PAPOLB: variants seen among roughly 807,000 people sequenced by gnomAD.
PAPOLB encodes poly(A) polymerase beta, also known as PAP-beta.
Under a neutral mutation model 23.2 loss-of-function variants are expected in PAPOLB, and 19 were observed. The ratio of observed to expected loss-of-function variants is 0.82; its 90% CI spans 0.57 to 1.20. The LOEUF (loss-of-function observed/expected upper bound fraction) is 1.20, where lower values mean the gene tolerates loss of function less well. Among genes scored for constraint, PAPOLB ranks in the 50% most tolerant of loss-of-function variants. PAPOLB has a pLI of 0.00. For synonymous variants in PAPOLB, 360 were observed against 290.7 expected (o/e 1.24, Z -2.43); for missense variants, 822 against 776.8 (o/e 1.06, Z -0.69).
In PAPOLB at chr7:4,861,873, G is replaced by A. The variant is rs994897053; in HGVS notation, c.-63C>T. The stretch of plus-strand genomic sequence containing the variant: ...ACCGCGACCTTCGCGGCCGCCGCCC[G>A]GGTCATGATCCGCTGAGGCGGAAGG... On this transcript the variant is annotated 5_prime_UTR_variant, in exon 1 of 1. Transcript: ENST00000404991. The A allele has an allele frequency of 6.2e-5, 33 of 531,042 alleles. No homozygotes were observed. Among genetic ancestry groups the A allele is most frequent in the Middle Eastern group, 7.7e-4 (1 of 1,298 alleles). The allele number at this position is 531,042 out of a possible 1,614,324, so 32.9% of individuals were successfully genotyped here. A position where few individuals can be genotyped will look rare whatever the true frequency, so the allele number is the denominator to read the frequency against.
At position 4,860,102 on chromosome 7, in the gene PAPOLB, A is replaced by G. The variant is rs1783942584; in HGVS notation, c.1709T>C (p.Ile570Thr). 2 of 1,613,898 alleles carry G rather than the reference A, an allele frequency of 1.2e-6. No homozygotes were observed. Among genetic ancestry groups the G allele is most frequent in the African/African-American group, 1.3e-5 (1 of 74,922 alleles). ...LAVMTASVAN[I>T]QATEFSLQQV... is the part of the protein sequence containing the mutation. ...TTGCAAGGAAAATTCAGTAGCCTGT[A>G]TGTTAGCCACAGATGCTGTCATTAC... The change falls in exon 1 of 1, where the codon ATA becomes ACA. Residue 570 changes from isoleucine to threonine, a missense_variant. Ile to Thr is a moderately conservative substitution (Grantham distance 89). Coordinates refer to ENST00000404991, the MANE Select transcript of PAPOLB (RefSeq NM_020144.5).
Position 4,861,579 on chromosome 7 carries a change from G to C in PAPOLB, c.232C>G (p.Arg78Gly), listed in dbSNP as rs745969911. 6.2e-7 allele frequency: 1 copy of C among 1,613,658 alleles called. No individual in the cohort carries two copies. Among genetic ancestry groups the C allele is most frequent in the Non-Finnish European group, 8.5e-7 (1 of 1,179,740 alleles). ...AGACTCTTGCTTTCACTGATTTCGCGTATCCATTCCTTTACCAGATTATTT... is the reference window on the plus strand; with the variant it reads ...AGACTCTTGCTTTCACTGATTTCGCCTATCCATTCCTTTACCAGATTATTT... The part of the protein sequence containing the change: ...KLNNLVKEWI[R>G]EISESKSLPQ... The change falls in exon 1 of 1, where the codon CGC (arginine) becomes GGC (glycine). Residue 78 changes from arginine to glycine, a missense_variant. Transcript: ENST00000404991.
Position 4,861,518 on chromosome 7 carries a change from A to G in PAPOLB, c.293T>C (p.Ile98Thr). Residue 98 changes from isoleucine to threonine, a missense_variant, in exon 1 of 1, where the codon ATT (isoleucine) becomes ACT (threonine). Coordinates refer to ENST00000404991, the MANE Select transcript of PAPOLB (RefSeq NM_020144.5). ...TAATCTGTAAGAGCCAAACGTAAAA[A>G]TCTTTCCTCCAACGTTTTCAATTAC... ...QSVIENVGGKIFTFGSYRLGV... is the reference protein window; with the variant it reads ...QSVIENVGGKTFTFGSYRLGV... The G allele has an allele frequency of 6.2e-7, 1 of 1,614,054 alleles. No homozygotes were observed. The highest frequency in any genetic ancestry group is 8.5e-7 in the Non-Finnish European group (1 of 1,179,920).
chr7:4,861,835 C>T lies in PAPOLB; in HGVS notation c.-25G>A. ...TCTTTCAGCGCCCGCCCCGCCAGGG[C>T]ACGTCCCCCACCACCGCGACCTTCG... On this transcript the variant is annotated 5_prime_UTR_variant, in exon 1 of 1. Coordinates refer to ENST00000404991, the MANE Select transcript of PAPOLB (RefSeq NM_020144.5). The T allele has an allele frequency of 3.0e-6, 4 of 1,320,728 alleles. No homozygotes were observed. Among genetic ancestry groups the T allele is most frequent in the Middle Eastern group, 2.8e-4 (1 of 3,612 alleles). The allele number at this position is 1,320,728 out of a possible 1,614,324, so 81.8% of individuals were successfully genotyped here. A position where few individuals can be genotyped will look rare whatever the true frequency, so the allele number is the denominator to read the frequency against.
chr7:4,861,838 G>T lies in PAPOLB; in HGVS notation c.-28C>A. ...TTCAGCGCCCGCCCCGCCAGGGCAC[G>T]TCCCCCACCACCGCGACCTTCGCGG... is the stretch of plus-strand genomic sequence containing the variant. On this transcript the variant is annotated 5_prime_UTR_variant, in exon 1 of 1. Transcript: ENST00000404991. 1 of 1,400,074 alleles carries T rather than the reference G, an allele frequency of 7.1e-7. No homozygotes were observed. Among genetic ancestry groups the T allele is most frequent in the Non-Finnish European group, 9.3e-7 (1 of 1,073,850 alleles). 86.7% of individuals were successfully genotyped at this position (1,400,074 alleles called of 1,614,324 possible). A position where few individuals can be genotyped will look rare whatever the true frequency, so the allele number is the denominator to read the frequency against.
At position 4,861,297 on chromosome 7, in the gene PAPOLB, C is replaced by G; in HGVS notation, c.514G>C (p.Ala172Pro). The G allele has an allele frequency of 6.2e-7, 1 of 1,614,094 alleles. No individual in the cohort carries two copies. Among genetic ancestry groups the G allele is most frequent in the Non-Finnish European group, 8.5e-7 (1 of 1,179,960 alleles). ...FDGIEIDILF[A>P]RLALQTIPED... ...GGAATAGTCTGTAGTGCTAATCTTG[C>G]AAATAAAATATCAATCTCTATCCCA... The change falls in exon 1 of 1, where the codon GCA (alanine) becomes CCA (proline). Residue 172 changes from alanine to proline, a missense_variant. By Grantham distance (27) the Ala-to-Pro change is conservative. Coordinates refer to ENST00000404991, the MANE Select transcript of PAPOLB (RefSeq NM_020144.5).
rs368598482 is a variant in PAPOLB at position 4,860,138 on chromosome 7, G to C, written c.1673C>G (p.Pro558Arg). Reference sequence around the variant, plus strand: ...AGATGCTGTCATTACAGCCAAGGCAGGACTGTTTCTACCCTGAGAACTGCT... The same window carrying C: ...AGATGCTGTCATTACAGCCAAGGCACGACTGTTTCTACCCTGAGAACTGCT... ...LISSSQGRNS[P>R]ALAVMTASVA... Residue 558 changes from proline to arginine, a missense_variant, in exon 1 of 1, where the codon CCT becomes CGT. Physicochemically the swap from Pro to Arg is moderately radical, Grantham distance 103. Around this residue, in one of 3 missense-constraint regions of PAPOLB, gnomAD observed 534 missense variants for 502.8 expected, o/e 1.06. Transcript: ENST00000404991. 4 of 1,613,990 alleles carry C rather than the reference G, an allele frequency of 2.5e-6. No homozygotes were observed. Among genetic ancestry groups the C allele is most frequent in the Non-Finnish European group, 3.4e-6 (4 of 1,179,846 alleles).
Position 4,860,465 on chromosome 7 carries a change from T to C in PAPOLB, c.1346A>G (p.Asn449Ser). The C allele has an allele frequency of 1.2e-6, 2 of 1,614,166 alleles. No individual in the cohort carries two copies. Among genetic ancestry groups the C allele is most frequent in the Non-Finnish European group, 1.7e-6 (2 of 1,180,004 alleles). Residue 449 changes from asparagine to serine, a missense_variant, in exon 1 of 1, where the codon AAT becomes AGT. Physicochemically the swap from Asn to Ser is conservative, Grantham distance 46. Transcript: ENST00000404991. ...GAGATCAATGCTGAGAATTTCAGAA[T>C]TATCTGGCTTTTTTAGCCCTAACCC... is the stretch of plus-strand genomic sequence containing the variant. ...VIGLGLKKPD[N>S]SEILSIDLTY...
At position 4,860,777 on chromosome 7, in the gene PAPOLB, C is replaced by T. The variant is rs1488747595; in HGVS notation, c.1034G>A (p.Gly345Glu). The change falls in exon 1 of 1, where the codon GGG (glycine) becomes GAG (glutamate). Residue 345 changes from glycine to glutamate, a missense_variant. Gly to Glu is a moderately conservative substitution (Grantham distance 98). This residue lies in a region of PAPOLB where 534 missense variants were observed against 502.8 expected (regional missense o/e 1.06). Coordinates refer to ENST00000404991, the MANE Select transcript of PAPOLB (RefSeq NM_020144.5). ...RMVMIEEFKQ[G>E]LAITHEILLS... ...CAAAATCTCGTGTGTGATAGCAAGC[C>T]CCTGTTTAAACTCCTCAATCATGAC... The T allele has an allele frequency of 6.2e-7, 1 of 1,613,922 alleles. No individual in the cohort carries two copies. Among genetic ancestry groups the T allele is most frequent in the Non-Finnish European group, 8.5e-7 (1 of 1,180,038 alleles).
rs1038556202 is a variant in PAPOLB, at chr7:4,859,655, G to A, written c.*242C>T. 2 of 504,074 alleles carry A rather than the reference G, an allele frequency of 4.0e-6. No homozygotes were observed. Among genetic ancestry groups the A allele is most frequent in the Non-Finnish European group, 7.1e-6 (2 of 281,580 alleles). 31.2% of individuals were successfully genotyped at this position (504,074 alleles called of 1,614,324 possible). A position where few individuals can be genotyped will look rare whatever the true frequency, so the allele number is the denominator to read the frequency against. On this transcript the variant is annotated 3_prime_UTR_variant, in exon 1 of 1. Coordinates refer to ENST00000404991, the MANE Select transcript of PAPOLB (RefSeq NM_020144.5). ...TGGCAGATATTGTTCATGGACCCTT[G>A]AGGTTGTTTTTAACCATTCAACCTG...
Position 4,858,480 on chromosome 7 carries a change from T to G in PAPOLB, c.*1417A>C, listed in dbSNP as rs1783890179. On this transcript the variant is annotated 3_prime_UTR_variant, in exon 1 of 1. Coordinates refer to ENST00000404991, the MANE Select transcript of PAPOLB (RefSeq NM_020144.5). ...CTAAAAGAGCAGAAAGCCAGTAAGA[T>G]GTCAAGTGCTTGCTAGAAATTACTT... is the stretch of plus-strand genomic sequence containing the variant. 1 of 152,624 alleles carries G rather than the reference T, an allele frequency of 6.6e-6. No homozygotes were observed. The highest frequency in any genetic ancestry group is 1.5e-5 in the Non-Finnish European group (1 of 68,016). The allele number at this position is 152,624 out of a possible 1,614,324, so 9.5% of individuals were successfully genotyped here.
Position 4,860,588 on chromosome 7 carries a change from T to C in PAPOLB, c.1223A>G (p.Lys408Arg), listed in dbSNP as rs765804063. 6.2e-7 allele frequency: 1 copy of C among 1,614,242 alleles called. No homozygotes were observed. Reference protein sequence around the residue: ...KIRILVGSLEKNEFITLAHVN... With the variant: ...KIRILVGSLERNEFITLAHVN... ...ATGTGCCAGTGTAATAAATTCATTC[T>C]TCTCCAAGCTCCCAACCAGGATTCG... The change falls in exon 1 of 1, where the codon AAG (lysine) becomes AGG (arginine). Residue 408 changes from lysine (K) to arginine (R), a missense_variant. By Grantham distance (26) the Lys-to-Arg change is conservative. Around this residue, in one of 3 missense-constraint regions of PAPOLB, gnomAD observed 534 missense variants for 502.8 expected, o/e 1.06. Coordinates refer to ENST00000404991, the MANE Select transcript of PAPOLB (RefSeq NM_020144.5).
At position 4,858,669 on chromosome 7, in the gene PAPOLB, T is replaced by C. The variant is rs113586975; in HGVS notation, c.*1228A>G. On this transcript the variant is annotated 3_prime_UTR_variant, in exon 1 of 1. Coordinates refer to ENST00000404991, the MANE Select transcript of PAPOLB (RefSeq NM_020144.5). The stretch of plus-strand genomic sequence containing the variant: ...TGTGGAATGAACAAAACTTCTCATA[T>C]GCAGTGATCAAATGGTCATCCAAGA... 6.6e-6 allele frequency: 1 copy of C among 152,644 alleles called. No individual in the cohort carries two copies. Among genetic ancestry groups the C allele is most frequent in the South Asian group, 2.1e-4 (1 of 4,838 alleles). 9.5% of individuals were successfully genotyped at this position (152,644 alleles called of 1,614,324 possible).
rs757092904 is a variant in PAPOLB at position 4,860,766 on chromosome 7, T to C, written c.1045A>G (p.Thr349Ala). ...IEEFKQGLAI[T>A]HEILLSKAEW... ...GCCTTACTTAGCAAAATCTCGTGTGTGATAGCAAGCCCCTGTTTAAACTCC... is the reference window on the plus strand; with the variant it reads ...GCCTTACTTAGCAAAATCTCGTGTGCGATAGCAAGCCCCTGTTTAAACTCC... The change falls in exon 1 of 1, where the codon ACA becomes GCA. Residue 349 changes from threonine to alanine, a missense_variant. Physicochemically the swap from Thr to Ala is moderately conservative, Grantham distance 58. Around this residue, in one of 3 missense-constraint regions of PAPOLB, gnomAD observed 534 missense variants for 502.8 expected, o/e 1.06. Coordinates refer to ENST00000404991, the MANE Select transcript of PAPOLB (RefSeq NM_020144.5). The C allele has an allele frequency of 1.9e-6, 3 of 1,614,066 alleles. No homozygotes were observed. The highest frequency in any genetic ancestry group is 1.7e-6 in the Non-Finnish European group (2 of 1,180,042).
chr7:4,860,738 T>C lies in PAPOLB; in HGVS notation c.1073A>G (p.Glu358Gly). 1.9e-6 allele frequency: 3 copies of C among 1,614,158 alleles called. No individual in the cohort carries two copies. The South Asian group carries it at 3.3e-5, about 18-fold the overall frequency. The stretch of plus-strand genomic sequence containing the variant: ...TGGAGCTTCAAAGAGTTTGGACCAC[T>C]CTGCCTTACTTAGCAAAATCTCGTG... ...ITHEILLSKA[E>G]WSKLFEAPSF... Residue 358 changes from glutamate to glycine, a missense_variant, in exon 1 of 1, where the codon GAG (glutamate) becomes GGG (glycine). This residue lies in a region of PAPOLB where 534 missense variants were observed against 502.8 expected (regional missense o/e 1.06). Coordinates refer to ENST00000404991, the MANE Select transcript of PAPOLB (RefSeq NM_020144.5).
At position 4,860,248 on chromosome 7, in the gene PAPOLB, G is replaced by A. The variant is rs558866773; in HGVS notation, c.1563C>T (p.Asp521=). ...TEGRRLTDLN[D]SSFDLSAGCE... ...AGCCTGCAGACAAGTCAAAGCTGCT[G>A]TCGTTCAAATCTGTCAATCTTCTAC... The change falls in exon 1 of 1, where the codon GAC becomes GAT. Residue 521 remains aspartate, a synonymous_variant. Coordinates refer to ENST00000404991, the MANE Select transcript of PAPOLB (RefSeq NM_020144.5). 1.9e-6 allele frequency: 3 copies of A among 1,613,990 alleles called. No individual in the cohort carries two copies. Among genetic ancestry groups the A allele is most frequent in the African/African-American group, 1.3e-5 (1 of 75,064 alleles).
At position 4,860,100 on chromosome 7, in the gene PAPOLB, G is replaced by C. The variant is rs749703822; in HGVS notation, c.1711C>G (p.Gln571Glu). The stretch of plus-strand genomic sequence containing the variant: ...TGTTGCAAGGAAAATTCAGTAGCCT[G>C]TATGTTAGCCACAGATGCTGTCATT... ...AVMTASVANI[Q>E]ATEFSLQQVN... Residue 571 changes from glutamine (Q) to glutamate (E), a missense_variant, in exon 1 of 1, where the codon CAG becomes GAG. By Grantham distance (29) the Gln-to-Glu change is conservative (BLOSUM62 2). Around this residue, in one of 3 missense-constraint regions of PAPOLB, gnomAD observed 534 missense variants for 502.8 expected, o/e 1.06. Coordinates refer to ENST00000404991, the MANE Select transcript of PAPOLB (RefSeq NM_020144.5). 3.1e-6 allele frequency: 5 copies of C among 1,614,012 alleles called. No individual in the cohort carries two copies. The highest frequency in any genetic ancestry group is 4.2e-6 in the Non-Finnish European group (5 of 1,179,888).
chr7:4,861,839 T>TCCCCCACCACCGCGACCTTCACGTC lies in PAPOLB; in HGVS notation c.-30_-29insGACGTGAAGGTCGCGGTGGTGGGGG. 7.2e-7 allele frequency: 1 copy of TCCCCCACCACCGCGACCTTCACGTC among 1,396,120 alleles called. No individual in the cohort carries two copies. The highest frequency in any genetic ancestry group is 9.3e-7 in the Non-Finnish European group (1 of 1,071,954). 86.5% of individuals were successfully genotyped at this position (1,396,120 alleles called of 1,614,324 possible). ...TCAGCGCCCGCCCCGCCAGGGCACGTCCCCCACCACCGCGACCTTCGCGGC... is the reference window on the plus strand; with the variant it reads ...TCAGCGCCCGCCCCGCCAGGGCACGTCCCCCACCACCGCGACCTTCACGTCCCCCCACCACCGCGACCTTCGCGGC... On this transcript the variant is annotated 5_prime_UTR_variant, in exon 1 of 1. It removes the in-frame stop codon of an upstream open reading frame in the 5' UTR. Transcript: ENST00000404991.
rs748858219 is a variant in PAPOLB, at chr7:4,858,429, T to G, written c.*1468A>C. On this transcript the variant is annotated 3_prime_UTR_variant, in exon 1 of 1. Coordinates refer to ENST00000404991, the MANE Select transcript of PAPOLB (RefSeq NM_020144.5). Reference sequence around the variant, plus strand: ...GCTTAATTATGAGATTTTTTTTAACTTAAAGTATTGCTGATCTTTTGTAGA... The same window carrying G: ...GCTTAATTATGAGATTTTTTTTAACGTAAAGTATTGCTGATCTTTTGTAGA... 1.4e-4 allele frequency: 22 copies of G among 152,530 alleles called. No homozygotes were observed. Among genetic ancestry groups the G allele is most frequent in the Non-Finnish European group, 1.5e-4 (10 of 68,018 alleles). 9.4% of individuals were successfully genotyped at this position (152,530 alleles called of 1,614,324 possible).
Sources: allele counts gnomAD v4.1 joint callset, GRCh38; gene constraint gnomAD v4.1.1; regional missense constraint gnomAD v4.1.1; transcripts MANE v1.5; gene names NCBI Gene and HGNC (gene_info 2026-07-23, HGNC 2026-07-21).